Variants in FHIT observed in about 807,000 individuals in gnomAD.
FHIT encodes bis(5'-adenosyl)-triphosphatase.
FHIT carries 19 observed loss-of-function variants against 17.9 expected under a neutral mutation model. That is an observed-to-expected ratio of 1.06 (90% CI 0.74 to 1.56). The LOEUF (loss-of-function observed/expected upper bound fraction) is 1.56, where lower values mean the gene tolerates loss of function less well. Ranked by LOEUF, FHIT falls within the 40% of genes most tolerant of loss-of-function variation. The pLI is 0.00. For synonymous variants in FHIT, 81 were observed against 69.7 expected (o/e 1.16, Z -0.81); for missense variants, 248 against 189.2 (o/e 1.31, Z -1.82).
rs66625040 is a variant in FHIT, at chr3:60,043,673, C to CAGAGAGAT, written c.104-29522_104-29521insATCTCTCT. On this transcript the variant is annotated intron_variant, in intron 5 of 9. Transcript: ENST00000492590. ...ATATTCTGTGCATGTTATAGATAGA[C>CAGAGAGAT]AGATAGATAGATAGATAAAATATCT... Among the ~76,000 whole-genome samples the CAGAGAGAT allele has an allele frequency of 3.2e-5, 4 of 123,684 alleles. No individual in the cohort carries two copies. The East Asian group carries it at 8.4e-4, about 26-fold the overall frequency. 81.1% of individuals were successfully genotyped at this position (123,684 alleles called of 152,430 possible). A position where few individuals can be genotyped will look rare whatever the true frequency, so the allele number is the denominator to read the frequency against.
At chr3:60,438,974 T>G (rs1195831863) in intron 5 of FHIT, among the ~76,000 whole-genome samples, 4 of 152,122 alleles carry the variant, frequency 2.6e-5, no homozygotes, top group Admixed American at 2.6e-4. Flanking sequence ...ACTGATGAAA[T>G]ATGCGGAAGA....
chr3:60,890,596 C>T (rs892987322), intron 3 of FHIT, among the ~76,000 whole-genome samples: 3 of 152,144 alleles, frequency 2.0e-5, no homozygotes, highest in African/African-American at 7.2e-5. Context: ...AAACTTGGTA[C>T]AATAATTAAA....
chr3:60,750,800 T>C (rs2042450740), intron 4 of FHIT, among the ~76,000 whole-genome samples: 1 of 152,244 alleles, frequency 6.6e-6, no homozygotes, highest in Non-Finnish European at 1.5e-5. Context: ...GAACCAGGCA[T>C]GGTTCCTGCT....
chr3:60,717,915 G>T (rs1381496177), intron 4 of FHIT, among the ~76,000 whole-genome samples: 1 of 152,108 alleles, frequency 6.6e-6, no homozygotes, highest in African/African-American at 2.4e-5. Flanking sequence ...CACACACACG[G>T]CTTAGGATAC....
chr3:60,121,465 C>G (rs1705242492), intron 5 of FHIT, among the ~76,000 whole-genome samples: 1 of 151,984 alleles, frequency 6.6e-6, no homozygotes, highest in African/African-American at 2.4e-5. Flanking sequence ...GTGGGTGGAT[C>G]ATTTGAGGTC....
intron 5 of FHIT, among the ~76,000 whole-genome samples, chr3:60,438,034 T>C (rs2030430860): frequency 6.6e-6 from 1 of 152,104 alleles, no homozygotes; most frequent in South Asian, 2.1e-4. Context: ...AAAGATTCTA[T>C]ATAATTACAT....
intron 2 of FHIT, among the ~76,000 whole-genome samples, chr3:61,079,955 A>G (rs1245692154): frequency 4.6e-5 from 7 of 152,230 alleles, no homozygotes; most frequent in Non-Finnish European, 8.8e-5. Flanking sequence ...AACATGTCCT[A>G]TATATCAATA....
chr3:60,810,133 C>T (rs548771657), intron 4 of FHIT, among the ~76,000 whole-genome samples: 2 of 152,218 alleles, frequency 1.3e-5, no homozygotes, highest in African/African-American at 4.8e-5. Flanking sequence ...AGCCTCAACA[C>T]ACCCAAGTTG....
At chr3:60,503,183 T>C (rs533629497) in intron 5 of FHIT, among the ~76,000 whole-genome samples, 39 of 152,318 alleles carry the variant, frequency 2.6e-4, no homozygotes, top group African/African-American at 8.7e-4. Context: ...CTTTAAAATA[T>C]AGTAATGCTC....
intron 5 of FHIT, among the ~76,000 whole-genome samples, chr3:60,220,460 G>A (rs9856567): frequency 0.034 from 5,102 of 151,850 alleles, 262 homozygotes; most frequent in African/African-American, 0.11. Flanking sequence ...TAAATCAACT[G>A]ACATAATAGC....
At chr3:60,922,358 A>C (rs1553768626) in intron 3 of FHIT, among the ~76,000 whole-genome samples, 1 of 152,200 alleles carries the variant, frequency 6.6e-6, no homozygotes, top group Non-Finnish European at 1.5e-5. Context: ...ACCATGAAAA[A>C]GAAATAAAAA....
At chr3:60,559,960 G>C (rs1576878977) in intron 4 of FHIT, among the ~76,000 whole-genome samples, 1 of 152,132 alleles carries the variant, frequency 6.6e-6, no homozygotes, top group Non-Finnish European at 1.5e-5. Context: ...CAGGCTGTTG[G>C]GGAAAGGCCA....
chr3:60,895,727 TTTC>T (rs1464302646), intron 3 of FHIT, among the ~76,000 whole-genome samples: 2 of 123,042 alleles, frequency 1.6e-5, no homozygotes, highest in African/African-American at 5.5e-5. Flanking sequence ...TCTTTCTTTC[TTTC>T]TTTCTTCTTT....
chr3:60,651,736 T>A (rs1553688323), intron 4 of FHIT, among the ~76,000 whole-genome samples: 3 of 152,204 alleles, frequency 2.0e-5, no homozygotes, highest in African/African-American at 7.2e-5. Context: ...TGCAACTTTC[T>A]GCATCTGCTC....
chr3:61,148,006 A>T (rs2037276483), intron 2 of FHIT, among the ~76,000 whole-genome samples: 1 of 151,810 alleles, frequency 6.6e-6, no homozygotes, highest in South Asian at 2.1e-4. Flanking sequence ...TCAAAAGTCC[A>T]GTTAAATACA....
chr3:60,185,533 T>C (rs1318736201), intron 5 of FHIT, among the ~76,000 whole-genome samples: 1 of 152,198 alleles, frequency 6.6e-6, no homozygotes, highest in Non-Finnish European at 1.5e-5. Context: ...GAAGGACATT[T>C]TGGTTGTTTC....
intron 4 of FHIT, among the ~76,000 whole-genome samples, chr3:60,588,612 C>T (rs188029749): frequency 1.4e-4 from 22 of 152,114 alleles, no homozygotes; most frequent in Admixed American, 5.2e-4. Context: ...GGATCCAAGA[C>T]TGCATTTGCA....
chr3:59,931,403 T>C (rs72875106), intron 7 of FHIT, among the ~76,000 whole-genome samples: 3,795 of 152,248 alleles, frequency 0.025, 153 homozygotes, highest in African/African-American at 0.084. Context: ...AGTTCTAAAA[T>C]AAATGTCACT....
intron 8 of FHIT, among the ~76,000 whole-genome samples, chr3:59,783,784 C>A (rs1031238862): frequency 1.3e-5 from 2 of 152,240 alleles, no homozygotes; most frequent in South Asian, 4.1e-4. Flanking sequence ...TTTGCCACAA[C>A]CCCCACACCC....
Sources: gnomAD v4.1 joint callset for allele counts (sites outside exome capture counted in the v4.1 genomes callset) on GRCh38, gnomAD v4.1.1 for gene constraint, MANE v1.5 for transcripts, NCBI Gene and HGNC (gene_info 2026-07-23, HGNC 2026-07-21) for gene names.